The following GABRA2 variants were observed in gnomAD, a reference collection of about 807,000 sequenced individuals.
GABRA2 encodes the protein gamma-aminobutyric acid receptor subunit alpha-2.
GABRA2 carries 16 observed loss-of-function variants against 48.7 expected under a neutral mutation model. The ratio of observed to expected loss-of-function variants is 0.33; its 90% confidence interval spans 0.22 to 0.50. GABRA2 has a LOEUF of 0.50. GABRA2 is among the 20% of genes least tolerant of loss of function. GABRA2 has a pLI of 0.98. For synonymous variants in GABRA2, 185 were observed against 184.5 expected (o/e 1.00, Z -0.02); for missense variants, 275 against 535.6 (o/e 0.51, Z 4.80).
chr4:46,281,725 C>T (rs562678668), intron 8 of GABRA2, among the ~76,000 whole-genome samples: 7 of 152,160 alleles, frequency 4.6e-5, no homozygotes, highest in African/African-American at 1.7e-4. Context: ...ACTTTGAGGA[C>T]AGTAAAAACA....
chr4:46,305,805 A>C (rs1726590969), intron 6 of GABRA2, 94 bp from the exon 7 acceptor site: 2 of 824,402 alleles, frequency 2.4e-6, no homozygotes, highest in South Asian at 1.9e-5. Context: ...CAATCACTAT[A>C]TACTTTCAAT....
At chr4:46,264,617 C>A (rs1461792883) in intron 8 of GABRA2, among the ~76,000 whole-genome samples, 1 of 151,974 alleles carries the variant, frequency 6.6e-6, no homozygotes, top group Non-Finnish European at 1.5e-5. Flanking sequence ...GCATCTATAT[C>A]TATAAGGAAT....
intron 3 of GABRA2, among the ~76,000 whole-genome samples, chr4:46,355,671 A>C (rs558166550): frequency 3.9e-5 from 6 of 152,296 alleles, no homozygotes; most frequent in African/African-American, 1.4e-4. Flanking sequence ...CCTGCCAAGC[A>C]CAGGAACCCC....
intron 3 of GABRA2, among the ~76,000 whole-genome samples, chr4:46,357,349 A>C (rs190140974): frequency 6.7e-6 from 1 of 149,648 alleles, no homozygotes; most frequent in Admixed American, 6.7e-5. Flanking sequence ...GTCTTATTAT[A>C]GGCCCCATAA....
At chr4:46,302,057 C>T (rs1406822315) in intron 8 of GABRA2, among the ~76,000 whole-genome samples, 2 of 151,314 alleles carry the variant, frequency 1.3e-5, no homozygotes, top group Middle Eastern at 3.4e-3. Flanking sequence ...TAATATACCA[C>T]TCCTTTTCAT....
intron 3 of GABRA2, among the ~76,000 whole-genome samples, chr4:46,352,248 A>G (rs2109914075): frequency 6.6e-6 from 1 of 152,090 alleles, no homozygotes; most frequent in East Asian, 1.9e-4. Context: ...TTACAACTAA[A>G]TCAGGGTATT....
Position 46,244,610 on chromosome 4 carries a change from A to G in GABRA2, c.*5698T>C, listed in dbSNP as rs1334585637. Among the ~76,000 whole-genome samples the G allele has an allele frequency of 2.0e-5, 3 of 151,532 alleles. No homozygotes were observed. Among genetic ancestry groups the G allele is most frequent in the African/African-American group, 7.2e-5 (3 of 41,398 alleles). ...ATCAATACATAATCCTTGAAGCCCA[A>G]TGGGATTAAATGTTATGAAACGAAC... On this transcript the variant is annotated 3_prime_UTR_variant, in exon 10 of 10. Coordinates refer to ENST00000381620, the MANE Select transcript of GABRA2 (RefSeq NM_000807.4).
rs1718018382 is a variant in GABRA2, at chr4:46,389,858, AGAGACC to A, written c.-140_-135del. On this transcript the variant is annotated 5_prime_UTR_variant, in exon 1 of 10. Coordinates refer to ENST00000381620, the MANE Select transcript of GABRA2 (RefSeq NM_000807.4). ...GAGAGAGAGAGAGAGAGAGAGAGAG[AGAGACC>A]GAGACTGCAGCAGCCAAGAGAGCGT... 1.0e-6 allele frequency: 1 copy of A among 963,890 alleles called. No homozygotes were observed. Among genetic ancestry groups the A allele is most frequent in the African/African-American group, 2.0e-5 (1 of 50,516 alleles). The allele number at this position is 963,890 out of a possible 1,614,324, so 59.7% of individuals were successfully genotyped here. A position where few individuals can be genotyped will look rare whatever the true frequency, so the allele number is the denominator to read the frequency against.
At chr4:46,318,586 A>G (rs1463492521) in intron 4 of GABRA2, among the ~76,000 whole-genome samples, 1 of 151,696 alleles carries the variant, frequency 6.6e-6, no homozygotes, top group East Asian at 1.9e-4. Context: ...TCATGAATAT[A>G]TACTAACAGA....
At chr4:46,321,878 C>T (rs1172181957) in intron 4 of GABRA2, among the ~76,000 whole-genome samples, 1 of 151,954 alleles carries the variant, frequency 6.6e-6, no homozygotes, top group Non-Finnish European at 1.5e-5. Flanking sequence ...GAGGCAGAGG[C>T]CACACAGGAT....
intron 6 of GABRA2, among the ~76,000 whole-genome samples, chr4:46,306,474 T>C (rs1726720044): frequency 1.3e-5 from 2 of 152,184 alleles, no homozygotes; most frequent in South Asian, 2.1e-4. Context: ...TATCTGGTCT[T>C]AGCCTTTCTC....
chr4:46,323,650 G>A (rs1269023265), intron 4 of GABRA2, among the ~76,000 whole-genome samples: 1 of 151,308 alleles, frequency 6.6e-6, no homozygotes, highest in Non-Finnish European at 1.5e-5. Flanking sequence ...ACAGACACAA[G>A]TTATGCCTTC....
At chr4:46,377,732 G>C (rs1425788637) in intron 3 of GABRA2, among the ~76,000 whole-genome samples, 1 of 143,668 alleles carries the variant, frequency 7.0e-6, no homozygotes, top group Admixed American at 6.9e-5. Context: ...AGGGAGGTGG[G>C]GGGGGTCAGC....
chr4:46,256,807 A>G (rs914892544), intron 9 of GABRA2, among the ~76,000 whole-genome samples: 10 of 151,868 alleles, frequency 6.6e-5, no homozygotes, highest in African/African-American at 1.9e-4. Flanking sequence ...ATAAATAAAT[A>G]AATACACTTG....
In GABRA2 at chr4:46,303,546, G is replaced by C. The variant is rs762995512; in HGVS notation, c.770C>G (p.Thr257Ser). 1.2e-6 allele frequency: 2 copies of C among 1,613,582 alleles called. No homozygotes were observed. The highest frequency in any genetic ancestry group is 8.5e-7 in the Non-Finnish European group (1 of 1,179,634). Residue 257 changes from threonine to serine, a missense_variant, in exon 8 of 10, where the codon ACC (threonine) becomes AGC (serine). By Grantham distance (58) the Thr-to-Ser change is moderately conservative (BLOSUM62 1). Around this residue, in one of 4 missense-constraint regions of GABRA2, gnomAD observed 24 missense variants for 113.8 expected, o/e 0.21. Coordinates refer to ENST00000381620, the MANE Select transcript of GABRA2 (RefSeq NM_000807.4). ...KRKIGYFVIQ[T>S]YLPCIMTVIL... ...GACAGTCATGATGCAAGGCAGATAG[G>C]TTTGAATCACAAAATACCCAATTTT... is the stretch of plus-strand genomic sequence containing the variant.
At chr4:46,364,671 G>A (rs1159284944) in intron 3 of GABRA2, 1 of 152,138 alleles carries the variant, frequency 6.6e-6, no homozygotes, top group East Asian at 1.9e-4. Context: ...TGTGTTCCTT[G>A]CCATGTGGCC....
At chr4:46,256,194 C>A in intron 9 of GABRA2, 1 of 655,170 alleles carries the variant, frequency 1.5e-6, no homozygotes, top group South Asian at 1.7e-5. Flanking sequence ...GTGATACTTA[C>A]AGAAGATTGT....
intron 8 of GABRA2, among the ~76,000 whole-genome samples, chr4:46,262,377 A>C (rs1717157738): frequency 6.6e-6 from 1 of 152,120 alleles, no homozygotes; most frequent in Admixed American, 6.6e-5. Flanking sequence ...TCTGTATAAA[A>C]ATCAACTTCC....
chr4:46,369,111 G>C, intron 3 of GABRA2: 1 of 638,166 alleles, frequency 1.6e-6, no homozygotes, highest in Admixed American at 2.3e-5. Context: ...GTAGGGCTAG[G>C]TTAATATACT....
Sources: allele counts gnomAD v4.1 joint callset (sites outside exome capture counted in the v4.1 genomes callset), GRCh38; gene constraint gnomAD v4.1.1; regional missense constraint gnomAD v4.1.1; transcripts MANE v1.5; gene names NCBI Gene and HGNC (gene_info 2026-07-23, HGNC 2026-07-21).